AFG2A: variants seen among roughly 807,000 people sequenced by gnomAD.
AFG2A encodes the protein ATPase family gene 2 protein homolog A.
chr4:123,296,896 C>A, the AFG2A span, among the ~76,000 whole-genome samples: 1 of 152,106 alleles, frequency 6.6e-6, no homozygotes, highest in Admixed American at 6.5e-5. Context: ...GTGAAAGATA[C>A]TTCAAATCAT....
chr4:123,040,416 C>G, the AFG2A span, among the ~76,000 whole-genome samples: 6 of 152,066 alleles, frequency 3.9e-5, no homozygotes, highest in Non-Finnish European at 7.4e-5. Flanking sequence ...AGCTCCCTAG[C>G]TAAGAATGAA....
At chr4:123,061,078 T>G in the AFG2A span, among the ~76,000 whole-genome samples, 1 of 152,242 alleles carries the variant, frequency 6.6e-6, no homozygotes, top group African/African-American at 2.4e-5. Flanking sequence ...TTGTTCCATA[T>G]TGCTGTCAGC....
the AFG2A span, among the ~76,000 whole-genome samples, chr4:123,293,511 G>T: frequency 6.6e-6 from 1 of 152,142 alleles, no homozygotes; most frequent in Non-Finnish European, 1.5e-5. Context: ...TCTAGGTATA[G>T]CCACCCTGTG....
At chr4:122,932,738 G>A in the AFG2A span, among the ~76,000 whole-genome samples, 1 of 152,110 alleles carries the variant, frequency 6.6e-6, no homozygotes, top group South Asian at 2.1e-4. Flanking sequence ...GGAAGGAGGG[G>A]ATCTCATTTT....
At chr4:123,215,228 G>A in the AFG2A span, among the ~76,000 whole-genome samples, 1 of 151,942 alleles carries the variant, frequency 6.6e-6, no homozygotes, top group Non-Finnish European at 1.5e-5. Flanking sequence ...AACCAGTTAA[G>A]ACAAAATTGA....
the AFG2A span, among the ~76,000 whole-genome samples, chr4:123,267,184 A>G: frequency 6.6e-6 from 1 of 152,054 alleles, no homozygotes; most frequent in Admixed American, 6.5e-5. Context: ...CCTTGTTCTT[A>G]AGGAAACCCT....
chr4:123,012,223 A>G, the AFG2A span, among the ~76,000 whole-genome samples: 1,451 of 135,302 alleles, frequency 0.011, 10 homozygotes, highest in Middle Eastern at 0.082. Context: ...GAAAGTGGAG[A>G]AAGGGTGGGA....
the AFG2A span, among the ~76,000 whole-genome samples, chr4:123,032,633 G>A: frequency 6.6e-6 from 1 of 152,134 alleles, no homozygotes; most frequent in Admixed American, 6.5e-5. Flanking sequence ...CCAGGCTGGT[G>A]TCGGACTCCC....
the AFG2A span, among the ~76,000 whole-genome samples, chr4:123,180,978 C>CTTTTTTTTTTTTTTTTTTTTTTTTT: frequency 8.4e-6 from 1 of 118,366 alleles, no homozygotes. Flanking sequence ...TCCTCCCCCT[C>CTTTTTTTTTTTTTTTTTTTTTTTTT]TTTTTTTTTT....
the AFG2A span, among the ~76,000 whole-genome samples, chr4:123,307,899 C>T: frequency 6.6e-6 from 1 of 152,176 alleles, no homozygotes; most frequent in Non-Finnish European, 1.5e-5. Flanking sequence ...ACCCTATAGC[C>T]TAGTGTGGAA....
chr4:123,232,684 A>T, the AFG2A span, among the ~76,000 whole-genome samples: 5 of 152,050 alleles, frequency 3.3e-5, no homozygotes, highest in African/African-American at 7.2e-5. Flanking sequence ...GAGGGTTTTT[A>T]GTAGGCAGGA....
the AFG2A span, among the ~76,000 whole-genome samples, chr4:123,004,735 G>A: frequency 2.0e-5 from 3 of 152,256 alleles, no homozygotes; most frequent in South Asian, 4.1e-4. Context: ...TGTTGGCACG[G>A]TGAAATGAGT....
At chr4:123,111,367 A>G in the AFG2A span, among the ~76,000 whole-genome samples, 4 of 152,326 alleles carry the variant, frequency 2.6e-5, no homozygotes, top group African/African-American at 9.6e-5. Flanking sequence ...TAATAGAATG[A>G]TGAACATGAT....
At chr4:123,121,705 C>G in the AFG2A span, among the ~76,000 whole-genome samples, 2 of 152,196 alleles carry the variant, frequency 1.3e-5, no homozygotes, top group South Asian at 4.1e-4. Flanking sequence ...TAAGTACACT[C>G]TGTGATGTTT....
the AFG2A span, among the ~76,000 whole-genome samples, chr4:122,935,536 G>A: frequency 4.0e-5 from 6 of 151,884 alleles, no homozygotes; most frequent in Non-Finnish European, 1.5e-5. Flanking sequence ...GAAAGTCATT[G>A]CTGGGTATCA....
At chr4:123,178,789 T>C in the AFG2A span, among the ~76,000 whole-genome samples, 2 of 152,200 alleles carry the variant, frequency 1.3e-5, no homozygotes, top group African/African-American at 4.8e-5. Context: ...AAATCCATAA[T>C]ATGCTGACAT....
chr4:123,258,650 A>G, the AFG2A span, among the ~76,000 whole-genome samples: 1 of 152,206 alleles, frequency 6.6e-6, no homozygotes, highest in African/African-American at 2.4e-5. Flanking sequence ...AGAGAATAGT[A>G]TATTATATTC....
chr4:123,100,085 G>A, the AFG2A span, among the ~76,000 whole-genome samples: 2 of 151,846 alleles, frequency 1.3e-5, no homozygotes, highest in Non-Finnish European at 1.5e-5. Context: ...CAAGACTGGA[G>A]AGGACATAGA....
the AFG2A span, among the ~76,000 whole-genome samples, chr4:123,180,468 ATAAAC>A: frequency 6.6e-6 from 1 of 152,218 alleles, no homozygotes; most frequent in East Asian, 1.9e-4. Flanking sequence ...TCTAGTAGGT[ATAAAC>A]TAGAGTGTGA....
Sources: allele counts gnomAD v4.1 joint callset (sites outside exome capture counted in the v4.1 genomes callset), GRCh38; gene constraint gnomAD v4.1.1; transcripts MANE v1.5; gene names NCBI Gene and HGNC (gene_info 2026-07-23, HGNC 2026-07-21).